RERE: variants seen among roughly 807,000 people sequenced by gnomAD.
RERE encodes the protein arginine-glutamic acid dipeptide repeats protein.
RERE carries 40 observed loss-of-function variants against 146.1 expected under a neutral mutation model. The observed-to-expected ratio is 0.27, with a 90% confidence interval of 0.21 to 0.36. The LOEUF is 0.36. Among genes scored for constraint, RERE ranks in the 10% least tolerant of loss-of-function variants. The probability of loss-of-function intolerance (pLI) is 1.00; values close to 1 mark genes in which losing one functional copy is unlikely to be tolerated. For missense variants in RERE, 1,933 were observed against 2,138.7 expected (o/e 0.90, Z 1.90); for synonymous variants, 1,003 against 866.0 (o/e 1.16, Z -2.78).
Position 8,360,824 on chromosome 1 carries a change from G to T in RERE, c.2683C>A (p.His895Asn). The T allele has an allele frequency of 6.4e-7, 1 of 1,555,820 alleles. No homozygotes were observed. Among genetic ancestry groups the T allele is most frequent in the South Asian group, 1.1e-5 (1 of 87,072 alleles). ...LGTSPAAAYPHTSLQLPASQS... is the reference protein window; with the variant it reads ...LGTSPAAAYPNTSLQLPASQS... ...GAGGCTGGCAGCTGCAGGGAGGTGT[G>T]AGGGTACGCTGCTGCTGGGGAGGTC... Residue 895 changes from histidine (H) to asparagine (N), a missense_variant, in exon 18 of 23, where the codon CAC (histidine) becomes AAC (asparagine). Physicochemically the swap from His to Asn is moderately conservative, Grantham distance 68. Transcript: ENST00000400908.
chr1:8,520,604 G>A (rs1166864773), intron 7 of RERE, among the ~76,000 whole-genome samples: 1 of 151,736 alleles, frequency 6.6e-6, no homozygotes, highest in Admixed American at 6.6e-5. Flanking sequence ...CCATTATGTG[G>A]TAACCTACCG....
At chr1:8,570,273 G>GT in intron 4 of RERE, among the ~76,000 whole-genome samples, 1 of 151,598 alleles carries the variant, frequency 6.6e-6, no homozygotes, top group Non-Finnish European at 1.5e-5. Context: ...GGAAGTGGAG[G>GT]TGAAAGTGAA....
chr1:8,587,184 T>C (rs936839525), intron 4 of RERE, among the ~76,000 whole-genome samples: 3 of 152,128 alleles, frequency 2.0e-5, no homozygotes, highest in East Asian at 1.9e-4. Context: ...GAAAATTACA[T>C]AGGAAAAGTT....
chr1:8,713,431 T>A (rs566747773), intron 1 of RERE, among the ~76,000 whole-genome samples: 35 of 152,144 alleles, frequency 2.3e-4, no homozygotes, highest in South Asian at 4.2e-4. Context: ...AAGAAAAAAA[T>A]TTTTTTTAAT....
At chr1:8,431,775 G>T (rs181849695) in intron 11 of RERE, among the ~76,000 whole-genome samples, 6 of 152,016 alleles carry the variant, frequency 3.9e-5, no homozygotes, top group African/African-American at 1.4e-4. Flanking sequence ...TTAACCTCAT[G>T]GGCCTAGCAC....
intron 4 of RERE, among the ~76,000 whole-genome samples, chr1:8,596,719 A>T (rs2124121515): frequency 7.0e-6 from 1 of 143,076 alleles, no homozygotes; most frequent in East Asian, 2.1e-4. Context: ...CTAAGTTGCC[A>T]GGGCTGGTCT....
At chr1:8,581,249 A>C (rs1276868522) in intron 4 of RERE, among the ~76,000 whole-genome samples, 2 of 152,286 alleles carry the variant, frequency 1.3e-5, no homozygotes, top group South Asian at 4.1e-4. Flanking sequence ...AATGATGGGC[A>C]CTTTTTCATG....
At chr1:8,425,447 G>A (rs1351571134) in intron 11 of RERE, among the ~76,000 whole-genome samples, 1 of 151,878 alleles carries the variant, frequency 6.6e-6, no homozygotes, top group Non-Finnish European at 1.5e-5. Flanking sequence ...GTCTGTAGTA[G>A]TTCAGAATGC....
At chr1:8,466,874 T>C (rs1644605262) in intron 10 of RERE, among the ~76,000 whole-genome samples, 1 of 152,210 alleles carries the variant, frequency 6.6e-6, no homozygotes, top group East Asian at 1.9e-4. Context: ...CACTCCAAGT[T>C]TCTGAGTTCC....
chr1:8,808,058 C>A lies in RERE; in HGVS notation c.-145+9102G>T, dbSNP rs1420275672. Among the ~76,000 whole-genome samples, 5 of 150,256 alleles carry A rather than the reference C, an allele frequency of 3.3e-5. No homozygotes were observed. The Admixed American group carries it at 3.3e-4, about 10-fold the overall frequency. The stretch of plus-strand genomic sequence containing the variant: ...CTTTGGGAGGCCGAGGTGGGAGAAT[C>A]ACTTGGACCCTCAAGATCGAGGCTG... On this transcript the variant is annotated intron_variant, in intron 1 of 22. Coordinates refer to ENST00000400908, the MANE Select transcript of RERE (RefSeq NM_001042681.2).
chr1:8,414,236 A>C (rs1302551758), intron 12 of RERE, among the ~76,000 whole-genome samples: 2 of 151,870 alleles, frequency 1.3e-5, no homozygotes, highest in Non-Finnish European at 2.9e-5. Flanking sequence ...AACTTTGTCA[A>C]CTGGGATAGT....
At chr1:8,720,374 T>C (rs1639839467) in intron 1 of RERE, among the ~76,000 whole-genome samples, 1 of 151,270 alleles carries the variant, frequency 6.6e-6, no homozygotes, top group Admixed American at 6.6e-5. Flanking sequence ...AAACAAACAA[T>C]AACCAACAGA....
chr1:8,687,367 G>A (rs1182897848), intron 1 of RERE, among the ~76,000 whole-genome samples: 1 of 152,182 alleles, frequency 6.6e-6, no homozygotes, highest in East Asian at 1.9e-4. Flanking sequence ...TCTCATGCAA[G>A]TAGGAAGCCC....
At chr1:8,375,440 A>G (rs576650893) in intron 12 of RERE, among the ~76,000 whole-genome samples, 1 of 152,362 alleles carries the variant, frequency 6.6e-6, no homozygotes, top group South Asian at 2.1e-4. Context: ...CGCAATCCAC[A>G]TGCCGATGTT....
chr1:8,771,257 C>G (rs1032998088), intron 1 of RERE, among the ~76,000 whole-genome samples: 2 of 152,130 alleles, frequency 1.3e-5, no homozygotes, highest in Non-Finnish European at 2.9e-5. Context: ...GGCGTGGTGG[C>G]TCACACCTAA....
At chr1:8,469,251 G>A (rs1308220133) in intron 10 of RERE, among the ~76,000 whole-genome samples, 2 of 152,120 alleles carry the variant, frequency 1.3e-5, no homozygotes. Context: ...AACCACTTAT[G>A]TGTCATATAA....
chr1:8,705,444 G>A (rs1015592368), intron 1 of RERE, among the ~76,000 whole-genome samples: 1 of 152,110 alleles, frequency 6.6e-6, no homozygotes, highest in Admixed American at 6.6e-5. Flanking sequence ...CTCACAGACC[G>A]TTTAAAGCCT....
At chr1:8,702,769 T>TC (rs968997372) in intron 1 of RERE, among the ~76,000 whole-genome samples, 4 of 152,006 alleles carry the variant, frequency 2.6e-5, no homozygotes, top group African/African-American at 4.8e-5. Context: ...GTGTTTTCTC[T>TC]CCCCCCTCAA....
chr1:8,618,293 C>A (rs529655285), intron 3 of RERE, among the ~76,000 whole-genome samples: 7 of 152,230 alleles, frequency 4.6e-5, no homozygotes, highest in Middle Eastern at 3.4e-3. Context: ...CTTTATATCC[C>A]AACTTCACAG....
Sources: allele counts gnomAD v4.1 joint callset (sites outside exome capture counted in the v4.1 genomes callset), GRCh38; gene constraint gnomAD v4.1.1; transcripts MANE v1.5; gene names NCBI Gene and HGNC (gene_info 2026-07-23, HGNC 2026-07-21).